The following APOL2 variants were observed in gnomAD, a reference collection of about 807,000 sequenced individuals.
APOL2 encodes the protein apolipoprotein L, 2.
In APOL2, 8 loss-of-function variants were observed where a neutral mutation model predicts 7.1. The observed-to-expected ratio is 1.12, with a 90% CI of 0.66 to 2.03. The LOEUF (loss-of-function observed/expected upper bound fraction) is 2.03, where lower values mean the gene tolerates loss of function less well. Ranked by LOEUF, APOL2 falls within the 30% of genes most tolerant of loss-of-function variation. The pLI is 0.00. For missense variants in APOL2, 471 were observed against 415.1 expected, an observed-to-expected ratio of 1.13 and a Z score of -1.17; for synonymous variants, 177 against 159.9, an observed-to-expected ratio of 1.11 and a Z score of -0.81.
rs529664224 is a variant in APOL2 at position 36,236,947 on chromosome 22, T to A, written c.-134+2494A>T. On this transcript the variant is annotated intron_variant, in intron 1 of 4. Coordinates refer to ENST00000358502, the MANE Select transcript of APOL2 (RefSeq NM_030882.4). ...CCCCTTCTTCCTGCTTTGTTCACTC[T>A]GTGACACCCTAGGCCAGGGGAGCTG... 32 of 1,337,756 alleles carry A rather than the reference T, an allele frequency of 2.4e-5. No individual in the cohort carries two copies. The South Asian group carries it at 6.2e-4, about 26-fold the overall frequency. 82.9% of individuals were successfully genotyped at this position (1,337,756 alleles called of 1,614,324 possible).
chr22:36,237,133 T>G, intron 1 of APOL2: 1 of 1,529,512 alleles, frequency 6.5e-7, no homozygotes, highest in Non-Finnish European at 8.8e-7. Context: ...GCTCCCACCT[T>G]TGTCTGGAGC....
At chr22:36,239,085 T>C (rs2015511997) in intron 1 of APOL2, 1 of 1,140,878 alleles carries the variant, frequency 8.8e-7, no homozygotes, top group South Asian at 2.9e-5. Context: ...CTCCTCCACC[T>C]TCTTTGATTC....
rs1331859908 is a variant in APOL2 at position 36,231,383 on chromosome 22, C to A, written c.94G>T (p.Asp32Tyr). 2 of 1,614,186 alleles carry A rather than the reference C, an allele frequency of 1.2e-6. No homozygotes were observed. Among genetic ancestry groups the A allele is most frequent in the Admixed American group, 1.7e-5 (1 of 60,030 alleles). The change falls in exon 4 of 5, where the codon GAT becomes TAT. Residue 32 changes from aspartate to tyrosine, a missense_variant. Physicochemically the swap from Asp to Tyr is radical, Grantham distance 160. Transcript: ENST00000358502. ...RENLLQLLTDDEAWNGFVAAA... is the reference protein window; with the variant it reads ...RENLLQLLTDYEAWNGFVAAA... ...GCCACGAATCCATTCCAGGCTTCAT[C>A]ATCAGTCAGCAGTTGTAGCAGATTC...
intron 1 of APOL2, chr22:36,236,561 G>T (rs534054607): frequency 3.0e-6 from 3 of 985,340 alleles, no homozygotes; most frequent in Admixed American, 6.1e-5. Context: ...TCCCAGTTAG[G>T]GGCGGCTCCA....
intron 1 of APOL2, chr22:36,237,502 G>A (rs2015447711): frequency 9.4e-6 from 5 of 531,454 alleles, no homozygotes; most frequent in Non-Finnish European, 1.3e-5. Flanking sequence ...TAGAGCCCCT[G>A]GGCTCAAGTG....
At position 36,227,239 on chromosome 22, in the gene APOL2, C is replaced by A; in HGVS notation, c.*165G>T. ...ACTGAGGCCGGAGAATGGTGTGAACCCGGGAGGCGGAGTTTGCAGTGAGCC... is the reference window on the plus strand; with the variant it reads ...ACTGAGGCCGGAGAATGGTGTGAACACGGGAGGCGGAGTTTGCAGTGAGCC... On this transcript the variant is annotated 3_prime_UTR_variant, in exon 5 of 5. Transcript: ENST00000358502. The A allele has an allele frequency of 1.3e-6, 1 of 797,344 alleles. No individual in the cohort carries two copies. Among genetic ancestry groups the A allele is most frequent in the East Asian group, 2.9e-5 (1 of 34,304 alleles). 49.4% of individuals were successfully genotyped at this position (797,344 alleles called of 1,614,324 possible). A position where few individuals can be genotyped will look rare whatever the true frequency, so the allele number is the denominator to read the frequency against.
intron 3 of APOL2, 136 bp downstream of exon 3, chr22:36,233,017 C>T: frequency 1.1e-6 from 1 of 902,566 alleles, no homozygotes; most frequent in Non-Finnish European, 1.8e-6. Context: ...TCCACGTGAC[C>T]TCTTCTGCTG....
intron 3 of APOL2, among the ~76,000 whole-genome samples, chr22:36,231,932 C>T (rs543649723): frequency 1.3e-5 from 2 of 152,304 alleles, no homozygotes; most frequent in South Asian, 4.2e-4. Context: ...GCACTTCCAT[C>T]CCTGAGCCTG....
chr22:36,237,289 A>G, intron 1 of APOL2: 1 of 1,352,542 alleles, frequency 7.4e-7, no homozygotes, highest in Non-Finnish European at 9.6e-7. Flanking sequence ...CTCAGCTCTG[A>G]GCCAAGCTCT....
intron 4 of APOL2, among the ~76,000 whole-genome samples, chr22:36,230,060 C>A (rs1206836377): frequency 6.6e-6 from 1 of 152,238 alleles, no homozygotes; most frequent in Admixed American, 6.5e-5. Flanking sequence ...AGGCCATGTG[C>A]AATTTTATGG....
In APOL2 at chr22:36,227,581, A is replaced by G. The variant is rs1349638899; in HGVS notation, c.837T>C (p.Thr279=). 6 of 1,614,234 alleles carry G rather than the reference A, an allele frequency of 3.7e-6. No individual in the cohort carries two copies. The highest frequency in any genetic ancestry group is 4.2e-6 in the Non-Finnish European group (5 of 1,180,048). Residue 279 remains threonine (T), a synonymous_variant, in exon 5 of 5, where the codon ACT becomes ACC. Coordinates refer to ENST00000358502, the MANE Select transcript of APOL2 (RefSeq NM_030882.4). ...CATCCAGCAGAAGCAAGATGCCTCC[A>G]GTGGCTGCACCCACGATCATGGTTC... ...SRGTMIVGAA[T]GGILLLLDVV...
Position 36,235,756 on chromosome 22 carries a change from G to GGT in APOL2, c.-133-2303_-133-2302dup, listed in dbSNP as rs869225053. Among the ~76,000 whole-genome samples the GGT allele has an allele frequency of 6.7e-3, 758 of 113,024 alleles. 7 individuals carry two copies. The highest frequency in any genetic ancestry group is 0.038 in the East Asian group (140 of 3,692). The allele number at this position is 113,024 out of a possible 152,430, so 74.1% of individuals were successfully genotyped here. A position where few individuals can be genotyped will look rare whatever the true frequency, so the allele number is the denominator to read the frequency against. On this transcript the variant is annotated intron_variant, in intron 1 of 4. Transcript: ENST00000358502. ...GGGAGGAAGAAAGGGTGGGTGGGTG[G>GGT]GTGTGTGTGTGTGTGTGTGTGTGTG...
At position 36,239,435 on chromosome 22, in the gene APOL2, A is replaced by G. The variant is rs1195213275; in HGVS notation, c.-134+6T>C. The G allele has an allele frequency of 5.2e-6, 8 of 1,545,312 alleles. No individual in the cohort carries two copies. The highest frequency in any genetic ancestry group is 2.4e-5 in the South Asian group (2 of 84,986). ...ATGGGGGTAGATCACACTATCCCCA[A>G]CTTACCAAGGGATCTTCCTCTGACA... On this transcript the variant is annotated splice_donor_region_variant and intron_variant, in intron 1 of 4. Coordinates refer to ENST00000358502, the MANE Select transcript of APOL2 (RefSeq NM_030882.4).
rs777874200 is a variant in APOL2 at position 36,226,571 on chromosome 22, C to T, written c.*833G>A. The T allele has an allele frequency of 2.0e-5, 3 of 152,530 alleles. No homozygotes were observed. Among genetic ancestry groups the T allele is most frequent in the Non-Finnish European group, 2.9e-5 (2 of 68,342 alleles). The allele number at this position is 152,530 out of a possible 1,614,324, so 9.4% of individuals were successfully genotyped here. A position where few individuals can be genotyped will look rare whatever the true frequency, so the allele number is the denominator to read the frequency against. On this transcript the variant is annotated 3_prime_UTR_variant, in exon 5 of 5. Coordinates refer to ENST00000358502, the MANE Select transcript of APOL2 (RefSeq NM_030882.4). ...AAGCCACTGGCTGACTGTGATACAC[C>T]CCCAGAAGGACAAGGGAGAGTGGAT...
chr22:36,239,782 T>C, upstream of APOL2: 1 of 466,920 alleles, frequency 2.1e-6, no homozygotes, highest in Non-Finnish European at 3.9e-6. Flanking sequence ...TGCCCATGTC[T>C]CAGGCAGTCA....
At chr22:36,230,637 T>C (rs2015188054) in intron 4 of APOL2, among the ~76,000 whole-genome samples, 1 of 152,108 alleles carries the variant, frequency 6.6e-6, no homozygotes, top group African/African-American at 2.4e-5. Context: ...GTTCCCCACC[T>C]TTGACCTGGA....
At chr22:36,230,376 G>T (rs1215638320) in intron 4 of APOL2, among the ~76,000 whole-genome samples, 1 of 152,180 alleles carries the variant, frequency 6.6e-6, no homozygotes, top group Non-Finnish European at 1.5e-5. Flanking sequence ...GACCCTGTAT[G>T]CCCATGAGTG....
intron 1 of APOL2, chr22:36,239,076 T>C: frequency 1.8e-6 from 2 of 1,122,996 alleles, no homozygotes; most frequent in Non-Finnish European, 2.2e-6. Flanking sequence ...TCACCTCCCC[T>C]CCTCCACCTT....
At chr22:36,239,305 G>A (rs1429502963) in intron 1 of APOL2, 136 bp downstream of exon 1, 20 of 1,334,932 alleles carry the variant, frequency 1.5e-5, no homozygotes, top group Middle Eastern at 2.7e-4. Context: ...TCCCGGCTCT[G>A]CCACTGCTTT....
Sources: allele counts gnomAD v4.1 joint callset (sites outside exome capture counted in the v4.1 genomes callset), GRCh38; gene constraint gnomAD v4.1.1; transcripts MANE v1.5; gene names NCBI Gene and HGNC (gene_info 2026-07-23, HGNC 2026-07-21).